Variants in TRIT1 observed in about 807,000 individuals in gnomAD.
The protein encoded by TRIT1 is tRNA dimethylallyltransferase.
Under a neutral mutation model 51.2 loss-of-function variants are expected in TRIT1, and 43 were observed. The ratio of observed to expected loss-of-function variants is 0.84; its 90% CI spans 0.66 to 1.08. TRIT1 has a LOEUF of 1.08. Among genes scored for constraint, TRIT1 ranks in the 50% least tolerant of loss-of-function variants. TRIT1 has a pLI of 0.00. For synonymous variants in TRIT1, 184 were observed against 203.9 expected (o/e 0.90, Z 0.83); for missense variants, 528 against 578.4 (o/e 0.91, Z 0.89).
chr1:39,860,255 G>A (rs187294986), intron 1 of TRIT1, among the ~76,000 whole-genome samples: 9 of 152,326 alleles, frequency 5.9e-5, no homozygotes, highest in African/African-American at 1.9e-4. Flanking sequence ...TCTTTGGGTA[G>A]TCTGTTAACT....
At chr1:39,854,198 T>C (rs1227109078) in intron 2 of TRIT1, 130 bp from the exon 3 acceptor site, 4 of 635,910 alleles carry the variant, frequency 6.3e-6, no homozygotes, top group South Asian at 2.0e-5. Context: ...AATGCGTTGA[T>C]ACCAGCCCTC....
At chr1:39,883,021 T>C (rs1184906515) in intron 1 of TRIT1, among the ~76,000 whole-genome samples, 1 of 152,228 alleles carries the variant, frequency 6.6e-6, no homozygotes, top group Non-Finnish European at 1.5e-5. Flanking sequence ...CTTCCACTTA[T>C]TCGCTATGTG....
chr1:39,870,946 C>A (rs1643862099), intron 1 of TRIT1, among the ~76,000 whole-genome samples: 1 of 152,206 alleles, frequency 6.6e-6, no homozygotes, highest in Admixed American at 6.5e-5. Flanking sequence ...GTAATCCCAG[C>A]ACTTTAGGAG....
chr1:39,880,114 G>A (rs577530093), intron 1 of TRIT1, among the ~76,000 whole-genome samples: 1 of 151,928 alleles, frequency 6.6e-6, no homozygotes, highest in South Asian at 2.1e-4. Context: ...GGCGGAGGTT[G>A]CAGTGAGCTG....
chr1:39,857,679 C>T (rs1007508995), intron 1 of TRIT1, among the ~76,000 whole-genome samples: 7 of 152,094 alleles, frequency 4.6e-5, no homozygotes, highest in Admixed American at 2.0e-4. Context: ...TAAATACATG[C>T]CCAGAATTAG....
chr1:39,861,473 T>C (rs1248904638), intron 1 of TRIT1, among the ~76,000 whole-genome samples: 1 of 152,174 alleles, frequency 6.6e-6, no homozygotes, highest in East Asian at 1.9e-4. Flanking sequence ...CCCAAAAGAA[T>C]TGAAAGCAGG....
chr1:39,869,356 C>T (rs189950524), intron 1 of TRIT1, among the ~76,000 whole-genome samples: 36 of 152,336 alleles, frequency 2.4e-4, no homozygotes, highest in African/African-American at 7.7e-4. Flanking sequence ...CTGCTAGCCT[C>T]GGCCTCCCGA....
chr1:39,852,873 G>A lies in TRIT1; in HGVS notation c.418C>T (p.Gln140Ter). 1 of 1,613,950 alleles carries A rather than the reference G, an allele frequency of 6.2e-7. No individual in the cohort carries two copies. Among genetic ancestry groups the A allele is most frequent in the Non-Finnish European group, 8.5e-7 (1 of 1,179,966 alleles). Residue 140 changes from glutamine to a stop codon, truncating the protein, a stop_gained, in exon 4 of 11, where the codon CAG (glutamine) becomes TAG (stop). Transcript: ENST00000316891. LOFTEE classifies it high-confidence loss of function. ...ATCACTTTCTCAGTGCCCATCTCCT[G>A]GGGCTATTAAATGATGGTTTAGAAG... is the stretch of plus-strand genomic sequence containing the variant. ...LWKVLVNTKPQEMGTEKVIDR... is the reference protein window; with the variant it reads ...LWKVLVNTKP
intron 2 of TRIT1, among the ~76,000 whole-genome samples, chr1:39,856,272 C>T (rs1346204769): frequency 6.6e-6 from 1 of 151,988 alleles, no homozygotes; most frequent in Non-Finnish European, 1.5e-5. Flanking sequence ...CGCTATTGCA[C>T]TCTAGCCTGG....
At chr1:39,860,991 C>A (rs928001725) in intron 1 of TRIT1, among the ~76,000 whole-genome samples, 1 of 152,112 alleles carries the variant, frequency 6.6e-6, no homozygotes, top group Non-Finnish European at 1.5e-5. Context: ...GCAGGAGAAT[C>A]GCTTGAACCC....
chr1:39,843,618 C>T (rs1642052865), intron 10 of TRIT1, among the ~76,000 whole-genome samples: 3 of 152,192 alleles, frequency 2.0e-5, no homozygotes, highest in African/African-American at 7.2e-5. Context: ...CAACAATTAC[C>T]TCAAAAGTTA....
At chr1:39,879,544 C>T (rs978944375) in intron 1 of TRIT1, among the ~76,000 whole-genome samples, 1 of 151,878 alleles carries the variant, frequency 6.6e-6, no homozygotes, top group African/African-American at 2.4e-5. Flanking sequence ...GTCCCAGCTA[C>T]TTGAGACAGG....
rs899772549 is a variant in TRIT1 at position 39,874,963 on chromosome 1, C to T, written c.174+8355G>A. On this transcript the variant is annotated intron_variant, in intron 1 of 10. Transcript: ENST00000316891. ...AATTATAGGCGTGAGCCACTGTGCC[C>T]GGCCCCCGCATGTCTCATTTTTCTG... 3.3e-5 allele frequency among the ~76,000 whole-genome samples: 5 copies of T among 151,782 alleles called. No individual in the cohort carries two copies. The East Asian group carries it at 9.7e-4, about 29-fold the overall frequency.
intron 7 of TRIT1, 25 bp from the exon 8 acceptor site, chr1:39,847,322 A>T (rs1557534795): frequency 1.2e-6 from 2 of 1,609,140 alleles, no homozygotes; most frequent in Admixed American, 3.3e-5. Context: ...AGATTTAAGA[A>T]CATCTAGGTA....
intron 1 of TRIT1, among the ~76,000 whole-genome samples, chr1:39,880,427 T>A (rs561501357): frequency 6.6e-6 from 1 of 152,160 alleles, no homozygotes; most frequent in Non-Finnish European, 1.5e-5. Flanking sequence ...ATCAACAATA[T>A]CATTTTGTTT....
At chr1:39,846,992 T>A (rs1395813469) in intron 8 of TRIT1, 3 of 438,564 alleles carry the variant, frequency 6.8e-6, no homozygotes, top group Non-Finnish European at 1.2e-5. Context: ...CCAGTATCCA[T>A]CTGTTCAAGG....
rs1197423890 is a variant in TRIT1 at position 39,841,649 on chromosome 1, G to A, written c.*95C>T. On this transcript the variant is annotated 3_prime_UTR_variant, in exon 11 of 11. Transcript: ENST00000316891. Reference sequence around the variant, plus strand: ...GCTTTTCTGCTATGCAGAGAATTCCGCATAGCACTCCTTTGCCCAGACTGG... The same window carrying A: ...GCTTTTCTGCTATGCAGAGAATTCCACATAGCACTCCTTTGCCCAGACTGG... The A allele has an allele frequency of 1.1e-5, 14 of 1,304,964 alleles. No homozygotes were observed. Among genetic ancestry groups the A allele is most frequent in the Non-Finnish European group, 1.5e-5 (14 of 958,682 alleles). The allele number at this position is 1,304,964 out of a possible 1,614,324, so 80.8% of individuals were successfully genotyped here.
At chr1:39,882,879 T>C (rs139638558) in intron 1 of TRIT1, among the ~76,000 whole-genome samples, 77 of 152,300 alleles carry the variant, frequency 5.1e-4, no homozygotes, top group African/African-American at 1.7e-3. Context: ...GCAGACACCA[T>C]AGGTGGTATC....
At chr1:39,876,544 CTAT>C (rs1228899759) in intron 1 of TRIT1, among the ~76,000 whole-genome samples, 1 of 147,732 alleles carries the variant, frequency 6.8e-6, no homozygotes, top group Non-Finnish European at 1.5e-5. Context: ...ATCTATCTAT[CTAT>C]CTATCTATCT....
Sources: allele counts gnomAD v4.1 joint callset (sites outside exome capture counted in the v4.1 genomes callset), GRCh38; gene constraint gnomAD v4.1.1; transcripts MANE v1.5; gene names NCBI Gene and HGNC (gene_info 2026-07-23, HGNC 2026-07-21).